STX11: variants seen among roughly 807,000 people sequenced by gnomAD.
The protein encoded by STX11 is syntaxin 11, also known as syntaxin-11.
In STX11, 21 loss-of-function variants were observed where a neutral mutation model predicts 19.9. The ratio of observed to expected loss-of-function variants is 1.06; its 90% CI spans 0.75 to 1.52. The LOEUF (loss-of-function observed/expected upper bound fraction) is 1.52, where lower values mean the gene tolerates loss of function less well. STX11 is among the 40% of genes most tolerant of loss of function. The probability of loss-of-function intolerance (pLI) is 0.00; values close to 1 mark genes in which losing one functional copy is unlikely to be tolerated. For missense variants in STX11, 438 were observed against 405.9 expected, an observed-to-expected ratio of 1.08 and a Z score of -0.68; for synonymous variants, 193 against 174.4, an observed-to-expected ratio of 1.11 and a Z score of -0.84.
Position 144,187,428 on chromosome 6 carries a change from G to A in STX11, c.801G>A (p.Val267=), listed in dbSNP as rs1802089326. The A allele has an allele frequency of 6.2e-7, 1 of 1,611,966 alleles. No homozygotes were observed. Among genetic ancestry groups the A allele is most frequent in the African/African-American group, 1.3e-5 (1 of 75,060 alleles). ...CCAAGGCGCAGGTGCGGAAGGCCGT[G>A]CAGTACGAGGAGAAGAACCCCTGCC... ...GQAKAQVRKA[V]QYEEKNPCRT... The change falls in exon 2 of 2, where the codon GTG becomes GTA. Residue 267 remains valine (V), a synonymous_variant. Coordinates refer to ENST00000367568, the MANE Select transcript of STX11 (RefSeq NM_003764.4). This position sits in a 1 kb window ranked among gnomAD's most constrained non-coding sequence, Gnocchi z 5.6.
rs1441620342 is a variant in STX11, at chr6:144,176,943, G to C, written c.-5-9680G>C. 6.6e-6 allele frequency among the ~76,000 whole-genome samples: 1 copy of C among 152,246 alleles called. No homozygotes were observed. Among genetic ancestry groups the C allele is most frequent in the Middle Eastern group, 3.4e-3 (1 of 294 alleles). The stretch of plus-strand genomic sequence containing the variant: ...GATGTTGGATAACTCAGATATTTCC[G>C]TACCTTGTGTAAAAGATATCAGCCA... On this transcript the variant is annotated intron_variant, in intron 1 of 1. Coordinates refer to ENST00000367568, the MANE Select transcript of STX11 (RefSeq NM_003764.4). This position sits in a 1 kb window ranked among gnomAD's most constrained non-coding sequence, Gnocchi z 4.1.
rs565627180 is a variant in STX11 at position 144,172,808 on chromosome 6, A to G, written c.-5-13815A>G. ...GATCCTCTTGATCCCAAGACAATGA[A>G]CAGGCTGTCTTTCCCATACACATCC... On this transcript the variant is annotated intron_variant, in intron 1 of 1. Coordinates refer to ENST00000367568, the MANE Select transcript of STX11 (RefSeq NM_003764.4). This position sits in a 1 kb window ranked among gnomAD's most constrained non-coding sequence, Gnocchi z 4.2. 9.9e-5 allele frequency among the ~76,000 whole-genome samples: 15 copies of G among 152,184 alleles called. No individual in the cohort carries two copies. Among genetic ancestry groups the G allele is most frequent in the African/African-American group, 3.6e-4 (15 of 41,518 alleles).
At chr6:144,173,292 C>T (rs1169863593) in intron 1 of STX11, among the ~76,000 whole-genome samples, 2 of 152,168 alleles carry the variant, frequency 1.3e-5, no homozygotes, top group Non-Finnish European at 2.9e-5. Flanking sequence ...CCCCTAAAAC[C>T]TATGTTCATA....
In STX11 at chr6:144,154,699, T is replaced by G. The variant is rs9496884; in HGVS notation, c.-6+3996T>G. Among the ~76,000 whole-genome samples the G allele has an allele frequency of 0.054, 8,152 of 152,230 alleles. 699 individuals are homozygous for G. Among genetic ancestry groups the G allele is most frequent in the African/African-American group, 0.18 (7,423 of 41,490 alleles). On this transcript the variant is annotated intron_variant, in intron 1 of 1. Coordinates refer to ENST00000367568, the MANE Select transcript of STX11 (RefSeq NM_003764.4). This position sits in a 1 kb window ranked among gnomAD's most constrained non-coding sequence, Gnocchi z 4.7. ...CAACTCCAGATATTACATTCCTGAC[T>G]TGTGATCTGCCTTTTGAATCCTATT...
rs1562665576 is a variant in STX11, at chr6:144,175,806, A to G, written c.-5-10817A>G. Reference sequence around the variant, plus strand: ...GCTGCTCCTTACCCACCTGACTTCCACACCCGTGGAGAAATAAGAAAGGAA... The same window carrying G: ...GCTGCTCCTTACCCACCTGACTTCCGCACCCGTGGAGAAATAAGAAAGGAA... On this transcript the variant is annotated intron_variant, in intron 1 of 1. Coordinates refer to ENST00000367568, the MANE Select transcript of STX11 (RefSeq NM_003764.4). The surrounding 1 kb of genome is among the most constrained non-coding windows in gnomAD (Gnocchi z 5.1). Among the ~76,000 whole-genome samples the G allele has an allele frequency of 6.6e-6, 1 of 152,182 alleles. No individual in the cohort carries two copies. The highest frequency in any genetic ancestry group is 1.5e-5 in the Non-Finnish European group (1 of 68,032).
Position 144,152,314 on chromosome 6 carries a change from T to A in STX11, c.-6+1611T>A, listed in dbSNP as rs1327154193. On this transcript the variant is annotated intron_variant, in intron 1 of 1. Transcript: ENST00000367568. The surrounding 1 kb of genome is among the most constrained non-coding windows in gnomAD (Gnocchi z 4.9). ...GGGTAAATCTATACCCAGAGAAAAGTTTCTGTCCCAATATGACTGATGTTT... is the reference window on the plus strand; with the variant it reads ...GGGTAAATCTATACCCAGAGAAAAGATTCTGTCCCAATATGACTGATGTTT... Among the ~76,000 whole-genome samples the A allele has an allele frequency of 6.6e-6, 1 of 152,198 alleles. No homozygotes were observed. Among genetic ancestry groups the A allele is most frequent in the Non-Finnish European group, 1.5e-5 (1 of 68,024 alleles).
chr6:144,162,907 G>C lies in STX11; in HGVS notation c.-6+12204G>C, dbSNP rs1233757487. Among the ~76,000 whole-genome samples the C allele has an allele frequency of 6.6e-6, 1 of 152,192 alleles. No individual in the cohort carries two copies. Among genetic ancestry groups the C allele is most frequent in the Non-Finnish European group, 1.5e-5 (1 of 68,038 alleles). The stretch of plus-strand genomic sequence containing the variant: ...ATTATCTAAGAAAATACCTGCATTT[G>C]TTGGGAATTCATTCACTGTGTGTAA... On this transcript the variant is annotated intron_variant, in intron 1 of 1. Transcript: ENST00000367568. The surrounding 1 kb of genome is among the most constrained non-coding windows in gnomAD (Gnocchi z 4.6).
Position 144,167,308 on chromosome 6 carries a change from A to G in STX11, c.-6+16605A>G, listed in dbSNP as rs73778552. 4.8e-3 allele frequency among the ~76,000 whole-genome samples: 729 copies of G among 152,308 alleles called. 6 individuals carry two copies. Among genetic ancestry groups the G allele is most frequent in the African/African-American group, 0.017 (691 of 41,558 alleles). On this transcript the variant is annotated intron_variant, in intron 1 of 1. Transcript: ENST00000367568. This position sits in a 1 kb window ranked among gnomAD's most constrained non-coding sequence, Gnocchi z 5.0. ...ATGCTTGGTACTAGAAGTGTTTTGGATTTCAGATTTTTTTGGATTTTGGAA... is the reference window on the plus strand; with the variant it reads ...ATGCTTGGTACTAGAAGTGTTTTGGGTTTCAGATTTTTTTGGATTTTGGAA...
intron 1 of STX11, among the ~76,000 whole-genome samples, chr6:144,156,647 A>G (rs1028824342): frequency 1.3e-5 from 2 of 152,068 alleles, no homozygotes; most frequent in Middle Eastern, 3.2e-3. Context: ...TTTCACGGTT[A>G]TATTTCTAAT....
At chr6:144,185,568 A>G (rs566185931) in intron 1 of STX11, among the ~76,000 whole-genome samples, 80 of 152,326 alleles carry the variant, frequency 5.3e-4, no homozygotes, top group African/African-American at 1.9e-3. Context: ...TCCTTGTAAA[A>G]ACATGAACAT....
rs9399472 is a variant in STX11, at chr6:144,165,983, A to C, written c.-6+15280A>C. ...GAATAAGCCCTCGCTTACCAGGCCA[A>C]GTACCCTTTCTCCTACATGGCATTT... On this transcript the variant is annotated intron_variant, in intron 1 of 1. Transcript: ENST00000367568. The surrounding 1 kb of genome is among the most constrained non-coding windows in gnomAD (Gnocchi z 5.8). Among the ~76,000 whole-genome samples, 64 of 152,352 alleles carry C rather than the reference A, an allele frequency of 4.2e-4. No homozygotes were observed. The East Asian group carries it at 0.012, about 28-fold the overall frequency.
rs1802113510 is a variant in STX11 at position 144,188,160 on chromosome 6, G to C, written c.*669G>C. 1 of 238,806 alleles carries C rather than the reference G, an allele frequency of 4.2e-6. No homozygotes were observed. The highest frequency in any genetic ancestry group is 5.7e-5 in the Admixed American group (1 of 17,492). The allele number at this position is 238,806 out of a possible 1,614,324, so 14.8% of individuals were successfully genotyped here. On this transcript the variant is annotated 3_prime_UTR_variant, in exon 2 of 2. Transcript: ENST00000367568. ...ATTTTTCCAAACATTTTTAAGCACT[G>C]AATATCGAACAAGCACTCAAATTGA...
Position 144,188,339 on chromosome 6 carries a change from A to C in STX11, c.*848A>C. 4.4e-6 allele frequency: 1 copy of C among 229,224 alleles called. No homozygotes were observed. The highest frequency in any genetic ancestry group is 9.4e-6 in the Non-Finnish European group (1 of 106,554). 14.2% of individuals were successfully genotyped at this position (229,224 alleles called of 1,614,324 possible). Reference sequence around the variant, plus strand: ...TCAATTGGTTTAACTTCTTTTATGTAAGTATGGTATATAAATTTCAAGACG... The same window carrying C: ...TCAATTGGTTTAACTTCTTTTATGTCAGTATGGTATATAAATTTCAAGACG... On this transcript the variant is annotated 3_prime_UTR_variant, in exon 2 of 2. Coordinates refer to ENST00000367568, the MANE Select transcript of STX11 (RefSeq NM_003764.4).
chr6:144,149,403 C>G (rs1215256048), upstream of STX11, among the ~76,000 whole-genome samples: 1 of 152,176 alleles, frequency 6.6e-6, no homozygotes, highest in Non-Finnish European at 1.5e-5. The surrounding 1 kb of genome is among the most constrained non-coding windows in gnomAD (Gnocchi z 5.1). Context: ...TCTTTGGCAA[C>G]TGGGAGCTTT....
Position 144,170,780 on chromosome 6 carries a change from G to A in STX11, c.-5-15843G>A, listed in dbSNP as rs73778555. Among the ~76,000 whole-genome samples the A allele has an allele frequency of 4.8e-3, 727 of 152,222 alleles. 6 individuals are homozygous for A. Among genetic ancestry groups the A allele is most frequent in the African/African-American group, 0.017 (689 of 41,542 alleles). ...ACTGTTAGTAGTGTAATTAACAAAT[G>A]GCATCATTTATACAAATAGTTACTG... On this transcript the variant is annotated intron_variant, in intron 1 of 1. Transcript: ENST00000367568. This position sits in a 1 kb window ranked among gnomAD's most constrained non-coding sequence, Gnocchi z 4.7.
At chr6:144,163,101 A>G (rs1032211955) in intron 1 of STX11, among the ~76,000 whole-genome samples, 4 of 152,206 alleles carry the variant, frequency 2.6e-5, no homozygotes, top group African/African-American at 9.6e-5. Flanking sequence ...AAAACTGAAG[A>G]TGAATTTCTC....
rs114760486 is a variant in STX11 at position 144,155,002 on chromosome 6, A to G, written c.-6+4299A>G. On this transcript the variant is annotated intron_variant, in intron 1 of 1. Transcript: ENST00000367568. The surrounding 1 kb of genome is among the most constrained non-coding windows in gnomAD (Gnocchi z 4.5). ...AACTGTTCTCATTGTTGATAATTCA[A>G]CCTACCCTGACTTGGATTAATATCC... is the stretch of plus-strand genomic sequence containing the variant. 0.024 allele frequency among the ~76,000 whole-genome samples: 3,600 copies of G among 152,256 alleles called. 142 individuals carry two copies. The highest frequency in any genetic ancestry group is 0.08 in the African/African-American group (3,334 of 41,536).
chr6:144,142,132 T>C, the STX11 span, among the ~76,000 whole-genome samples: 1 of 151,588 alleles, frequency 6.6e-6, no homozygotes, highest in Non-Finnish European at 1.5e-5. Flanking sequence ...ATTCCTCTCT[T>C]AAATAGGGTT....
rs1802094795 is a variant in STX11, at chr6:144,187,546, G to T, written c.*55G>T. 6.2e-7 allele frequency: 1 copy of T among 1,609,106 alleles called. No homozygotes were observed. The highest frequency in any genetic ancestry group is 1.1e-5 in the South Asian group (1 of 90,760). On this transcript the variant is annotated 3_prime_UTR_variant, in exon 2 of 2. Coordinates refer to ENST00000367568, the MANE Select transcript of STX11 (RefSeq NM_003764.4). The surrounding 1 kb of genome is among the most constrained non-coding windows in gnomAD (Gnocchi z 5.6). ...CCAGACCATGGAGCGCGCTGGGAAGGACGCACCAAAGCCGGGAGCTCTGCC... is the reference window on the plus strand; with the variant it reads ...CCAGACCATGGAGCGCGCTGGGAAGTACGCACCAAAGCCGGGAGCTCTGCC...
Sources: allele counts gnomAD v4.1 joint callset (sites outside exome capture counted in the v4.1 genomes callset), GRCh38; gene constraint gnomAD v4.1.1; non-coding constraint Gnocchi (gnomAD v3.1); transcripts MANE v1.5; gene names NCBI Gene and HGNC (gene_info 2026-07-23, HGNC 2026-07-21).